Variants in USP34 observed in about 807,000 individuals in gnomAD.
The protein encoded by USP34 is ubiquitin carboxyl-terminal hydrolase 34.
In USP34, 70 loss-of-function variants were observed where a neutral mutation model predicts 460.3. The observed-to-expected ratio is 0.15, with a 90% confidence interval of 0.13 to 0.19. The LOEUF (loss-of-function observed/expected upper bound fraction) is 0.19. Among genes scored for constraint, USP34 ranks in the 10% least tolerant of loss-of-function variants. The pLI is 1.00. For missense variants in USP34, 3,985 were observed against 4,236.2 expected, an observed-to-expected ratio of 0.94 and a Z score of 1.65; for synonymous variants, 1,647 against 1,405.3, an observed-to-expected ratio of 1.17 and a Z score of -3.85.
intron 7 of USP34, among the ~76,000 whole-genome samples, chr2:61,379,034 C>G (rs1222142703): frequency 6.7e-6 from 1 of 149,360 alleles, no homozygotes; most frequent in Non-Finnish European, 1.5e-5. Context: ...CAATTTAACG[C>G]AAGAGAGCAA....
At chr2:61,411,946 T>G (rs1450937033) in intron 2 of USP34, among the ~76,000 whole-genome samples, 2 of 151,758 alleles carry the variant, frequency 1.3e-5, no homozygotes, top group African/African-American at 4.8e-5. Context: ...TCCCAGCACT[T>G]TGGGAGGCTG....
intron 33 of USP34, among the ~76,000 whole-genome samples, chr2:61,291,383 A>C (rs1289540848): frequency 6.6e-6 from 1 of 152,172 alleles, no homozygotes; most frequent in African/African-American, 2.4e-5. Context: ...AACTGTTTGG[A>C]AATTCCTCAA....
chr2:61,458,493 A>T (rs1695501781), intron 1 of USP34, among the ~76,000 whole-genome samples: 1 of 149,932 alleles, frequency 6.7e-6, no homozygotes, highest in Non-Finnish European at 1.5e-5. Flanking sequence ...CCCAGGAAGC[A>T]GAGGTTGCAG....
At chr2:61,317,558 A>C (rs762139367) in intron 23 of USP34, 96 bp downstream of exon 23, 13 of 1,115,514 alleles carry the variant, frequency 1.2e-5, no homozygotes, top group Non-Finnish European at 1.6e-5. Context: ...CACAGGTAGT[A>C]AATTCTATAC....
intron 21 of USP34, among the ~76,000 whole-genome samples, chr2:61,324,202 A>C (rs74581462): frequency 6.6e-6 from 1 of 152,214 alleles, no homozygotes; most frequent in Admixed American, 6.5e-5. Flanking sequence ...AGCTTTGGCT[A>C]ACAGAAATCA....
In USP34 at chr2:61,229,628, A is replaced by G; in HGVS notation, c.7119T>C (p.Phe2373=). ...GAATCACATGGATACACAAACGCTGAAACATCTGTGAAGAAAGAAAAAGAT... is the reference window on the plus strand; with the variant it reads ...GAATCACATGGATACACAAACGCTGGAACATCTGTGAAGAAAGAAAAAGAT... ...KCPNQIVRQM[F]QRLCIHVIQR... The change falls in exon 59 of 80, where the codon TTT becomes TTC. Residue 2373 remains phenylalanine, a synonymous_variant. Transcript: ENST00000398571. 1 of 1,611,826 alleles carries G rather than the reference A, an allele frequency of 6.2e-7. No homozygotes were observed. The highest frequency in any genetic ancestry group is 8.5e-7 in the Non-Finnish European group (1 of 1,179,276).
In USP34 at chr2:61,211,939, C is replaced by G; in HGVS notation, c.8683-10G>C. ...ACAGTTCTTCTACTGCCTAAAAAAG[C>G]CAAATAAGCCATATGATCTTTTAAC... is the stretch of plus-strand genomic sequence containing the variant. On this transcript the variant is annotated splice_polypyrimidine_tract_variant and intron_variant, in intron 68 of 79. Coordinates refer to ENST00000398571, the MANE Select transcript of USP34 (RefSeq NM_014709.4). 2.5e-6 allele frequency: 4 copies of G among 1,595,504 alleles called. No individual in the cohort carries two copies. The highest frequency in any genetic ancestry group is 3.4e-6 in the Non-Finnish European group (4 of 1,174,968).
At chr2:61,238,890 T>C (rs1688148687) in intron 53 of USP34, among the ~76,000 whole-genome samples, 1 of 152,096 alleles carries the variant, frequency 6.6e-6, no homozygotes, top group Non-Finnish European at 1.5e-5. Flanking sequence ...TGGCACCATT[T>C]TTCTAATAGC....
At chr2:61,194,446 C>G (rs927261734) in intron 75 of USP34, among the ~76,000 whole-genome samples, 68 of 152,234 alleles carry the variant, frequency 4.5e-4, no homozygotes, top group African/African-American at 1.6e-3. Context: ...CTATGGCCCT[C>G]AGGCCAAATC....
intron 43 of USP34, among the ~76,000 whole-genome samples, chr2:61,262,993 T>C (rs1047912078): frequency 1.3e-5 from 2 of 151,824 alleles, no homozygotes; most frequent in African/African-American, 2.4e-5. Context: ...TTTTGAAAAG[T>C]GTCTGTTCAT....
At chr2:61,452,386 G>T (rs13015122) in intron 1 of USP34, among the ~76,000 whole-genome samples, 7,147 of 140,804 alleles carry the variant, frequency 0.051, 284 homozygotes, top group Non-Finnish European at 0.077. Flanking sequence ...GTGTAGTGGC[G>T]CGATCTCAGC....
At chr2:61,205,430 C>T (rs1687091175) in intron 72 of USP34, among the ~76,000 whole-genome samples, 1 of 152,078 alleles carries the variant, frequency 6.6e-6, no homozygotes. Flanking sequence ...TCAAGACGGA[C>T]TGCTTATATA....
At chr2:61,372,238 A>G (rs556499644) in intron 8 of USP34, among the ~76,000 whole-genome samples, 1 of 152,124 alleles carries the variant, frequency 6.6e-6, no homozygotes, top group Non-Finnish European at 1.5e-5. Context: ...TTAAAAAAAA[A>G]CCACTAGGAC....
At chr2:61,243,752 T>C (rs1333216946) in intron 51 of USP34, among the ~76,000 whole-genome samples, 4 of 151,416 alleles carry the variant, frequency 2.6e-5, no homozygotes, top group Non-Finnish European at 5.9e-5. Flanking sequence ...GTGCCTGTAA[T>C]CCCAGCTATT....
At chr2:61,360,799 G>T (rs1194069672) in intron 10 of USP34, among the ~76,000 whole-genome samples, 1 of 152,096 alleles carries the variant, frequency 6.6e-6, no homozygotes, top group African/African-American at 2.4e-5. Flanking sequence ...GGGACTACAG[G>T]GACGTACCAC....
chr2:61,283,065 C>T (rs1689582395), intron 37 of USP34, 80 bp downstream of exon 37: 38 of 1,463,146 alleles, frequency 2.6e-5, no homozygotes, highest in Non-Finnish European at 3.6e-5. Flanking sequence ...TATTTGTTTC[C>T]ATTAGCTCTT....
intron 27 of USP34, among the ~76,000 whole-genome samples, chr2:61,306,908 G>A (rs1199064915): frequency 6.6e-5 from 10 of 152,096 alleles, no homozygotes; most frequent in Non-Finnish European, 1.2e-4. Flanking sequence ...ACAGTGTGGC[G>A]ATTCCTCAGG....
At chr2:61,293,436 C>T in intron 33 of USP34, 28 bp downstream of exon 33, 2 of 1,540,770 alleles carry the variant, frequency 1.3e-6, no homozygotes, top group South Asian at 1.2e-5. Flanking sequence ...ACTACTGTAA[C>T]TAGTTGAAAC....
At chr2:61,196,193 G>A (rs988127659) in intron 75 of USP34, among the ~76,000 whole-genome samples, 3 of 141,738 alleles carry the variant, frequency 2.1e-5, no homozygotes, top group Middle Eastern at 4.3e-3. Flanking sequence ...CCATTCTCCT[G>A]CCCCAGCATC....
Sources: gnomAD v4.1 joint callset for allele counts (sites outside exome capture counted in the v4.1 genomes callset) on GRCh38, gnomAD v4.1.1 for gene constraint, MANE v1.5 for transcripts, NCBI Gene and HGNC (gene_info 2026-07-23, HGNC 2026-07-21) for gene names.